PCTP: variants seen among roughly 807,000 people sequenced by gnomAD.
The protein encoded by PCTP is phosphatidylcholine transfer protein.
A neutral mutation model predicts 31.0 loss-of-function variants in PCTP; 27 were observed. The observed-to-expected ratio is 0.87, with a 90% confidence interval of 0.64 to 1.20. PCTP has a LOEUF of 1.20. Among genes scored for constraint, PCTP ranks in the 50% most tolerant of loss-of-function variants. The pLI is 0.00. For missense variants in PCTP, 287 were observed against 268.2 expected (o/e 1.07, Z -0.49); for synonymous variants, 108 against 101.2 (o/e 1.07, Z -0.40).
chr17:55,762,689 C>T (rs1381306691), intron 1 of PCTP, among the ~76,000 whole-genome samples: 1 of 152,140 alleles, frequency 6.6e-6, no homozygotes, highest in African/African-American at 2.4e-5. Flanking sequence ...CCCTCTGAGT[C>T]TTTCTACTCT....
At chr17:55,783,077 A>C (rs1911618848) in intron 2 of PCTP, among the ~76,000 whole-genome samples, 1 of 152,254 alleles carries the variant, frequency 6.6e-6, no homozygotes, top group South Asian at 2.1e-4. Context: ...GGTCCAAAAA[A>C]AAATGTATTC....
intron 3 of PCTP, among the ~76,000 whole-genome samples, chr17:55,789,449 G>C (rs1911873759): frequency 6.6e-6 from 1 of 152,168 alleles, no homozygotes; most frequent in Non-Finnish European, 1.5e-5. Flanking sequence ...TTGCTGTTAA[G>C]TTGTAAACGC....
intron 1 of PCTP, among the ~76,000 whole-genome samples, chr17:55,765,716 C>G (rs555652307): frequency 6.6e-6 from 1 of 152,162 alleles, no homozygotes. Flanking sequence ...CTGGTCATCC[C>G]TCTGTTTAAA....
intron 1 of PCTP, among the ~76,000 whole-genome samples, chr17:55,763,403 T>A (rs1910446412): frequency 6.6e-6 from 1 of 151,964 alleles, no homozygotes; most frequent in Non-Finnish European, 1.5e-5. Flanking sequence ...AAAATGTTAA[T>A]CTACTTATCC....
At chr17:55,791,048 A>G (rs1187887105) in intron 3 of PCTP, among the ~76,000 whole-genome samples, 1 of 151,458 alleles carries the variant, frequency 6.6e-6, no homozygotes, top group African/African-American at 2.4e-5. Flanking sequence ...AAAACAAGCA[A>G]TGGGGAAAGG....
chr17:55,826,472 A>C (rs1231833528), downstream of PCTP, among the ~76,000 whole-genome samples: 1 of 151,764 alleles, frequency 6.6e-6, no homozygotes, highest in African/African-American at 2.4e-5. Flanking sequence ...GATAAGAAAA[A>C]AAAAAAAAAG....
At position 55,812,634 on chromosome 17, in the gene PCTP, G is replaced by A. The variant is rs552668543; in HGVS notation, c.318-10127G>A. ...TTCAGCCAAAGTCACCATTTTCAAC[G>A]TTAACCTCCATGTTGCAAGGCTGAC... On this transcript the variant is annotated intron_variant, in intron 3 of 3. Coordinates refer to the PCTP transcript ENST00000572536. Among the ~76,000 whole-genome samples, 6 of 152,290 alleles carry A rather than the reference G, an allele frequency of 3.9e-5. No individual in the cohort carries two copies. In the South Asian group the frequency reaches 1.0e-3, roughly 26 times the overall value.
chr17:55,763,971 T>C (rs1245828127), intron 1 of PCTP, among the ~76,000 whole-genome samples: 2 of 152,220 alleles, frequency 1.3e-5, no homozygotes, highest in Non-Finnish European at 1.5e-5. Context: ...CATTGCTCAG[T>C]TCTGCCTCGA....
At position 55,776,282 on chromosome 17, in the gene PCTP, TA is replaced by T. The variant is rs1187963199; in HGVS notation, c.*184del. The T allele has an allele frequency of 6.6e-6, 9 of 1,371,232 alleles. No homozygotes were observed. Among genetic ancestry groups the T allele is most frequent in the Non-Finnish European group, 8.5e-6 (9 of 1,063,448 alleles). 84.9% of individuals were successfully genotyped at this position (1,371,232 alleles called of 1,614,324 possible). On this transcript the variant is annotated 3_prime_UTR_variant, in exon 6 of 6. Coordinates refer to ENST00000268896, the MANE Select transcript of PCTP (RefSeq NM_021213.4). Reference sequence around the variant, plus strand: ...GGCCTACACACTACCACATCCTTTCTAAGCATGTTTGCCTGACATCCAGCTC... The same window carrying T: ...GGCCTACACACTACCACATCCTTTCTAGCATGTTTGCCTGACATCCAGCTC...
chr17:55,830,012 G>A (rs995891825), intron 5 of PCTP, among the ~76,000 whole-genome samples: 5 of 152,082 alleles, frequency 3.3e-5, no homozygotes, highest in Admixed American at 6.5e-5. Flanking sequence ...ACCAAATAGC[G>A]GCAGCATGTT....
chr17:55,791,283 A>G (rs1911963664), intron 3 of PCTP, among the ~76,000 whole-genome samples: 1 of 151,764 alleles, frequency 6.6e-6, no homozygotes, highest in Non-Finnish European at 1.5e-5. Flanking sequence ...AGCAATGGCA[A>G]CAAAAGCCAA....
At position 55,763,465 on chromosome 17, in the gene PCTP, G is replaced by T. The variant is rs377267652; in HGVS notation, c.142-3870G>T. On this transcript the variant is annotated intron_variant, in intron 1 of 5. Coordinates refer to ENST00000268896, the MANE Select transcript of PCTP (RefSeq NM_021213.4). Reference sequence around the variant, plus strand: ...GTAGTAAAAAAAAAAATAGAATTATGGACCAATTATTCTATACAAACATAA... The same window carrying T: ...GTAGTAAAAAAAAAAATAGAATTATTGACCAATTATTCTATACAAACATAA... Among the ~76,000 whole-genome samples, 19 of 151,682 alleles carry T rather than the reference G, an allele frequency of 1.3e-4. 1 individual carries two copies. The highest frequency in any genetic ancestry group is 9.2e-4 in the Admixed American group (14 of 15,244).
At chr17:55,761,767 C>A (rs1910353662) in intron 1 of PCTP, among the ~76,000 whole-genome samples, 1 of 151,822 alleles carries the variant, frequency 6.6e-6, no homozygotes, top group Non-Finnish European at 1.5e-5. Flanking sequence ...TGTCCATTAT[C>A]TCTTCCTTGA....
intron 2 of PCTP, chr17:55,770,886 AT>A (rs1330323591): frequency 5.8e-5 from 23 of 395,052 alleles, no homozygotes; most frequent in South Asian, 3.5e-4. Flanking sequence ...TACCTGGCTG[AT>A]TTTTTTGCTT....
intron 3 of PCTP, among the ~76,000 whole-genome samples, chr17:55,788,565 A>G (rs1427533546): frequency 6.6e-6 from 1 of 152,212 alleles, no homozygotes; most frequent in African/African-American, 2.4e-5. Flanking sequence ...ATGATCCAGT[A>G]TTTACATATT....
downstream of PCTP, among the ~76,000 whole-genome samples, chr17:55,824,707 CT>C (rs1265956827): frequency 1.3e-5 from 2 of 152,130 alleles, no homozygotes; most frequent in Non-Finnish European, 2.9e-5. Flanking sequence ...CAAATTTAGC[CT>C]TGGAGAAGAC....
At chr17:55,802,578 A>G (rs1912423082) in intron 3 of PCTP, among the ~76,000 whole-genome samples, 1 of 152,226 alleles carries the variant, frequency 6.6e-6, no homozygotes, top group South Asian at 2.1e-4. Flanking sequence ...ATGCAAATCA[A>G]TAAATGTAAT....
At chr17:55,785,533 A>G (rs1370002814) in intron 2 of PCTP, among the ~76,000 whole-genome samples, 2 of 152,250 alleles carry the variant, frequency 1.3e-5, no homozygotes, top group Non-Finnish European at 2.9e-5. Flanking sequence ...GCAATGCCTC[A>G]TTTATTTAGA....
chr17:55,758,858 G>A (rs1159949135), intron 1 of PCTP, among the ~76,000 whole-genome samples: 1 of 152,198 alleles, frequency 6.6e-6, no homozygotes, highest in African/African-American at 2.4e-5. Flanking sequence ...GGTGGAAGGA[G>A]GGGAGAGGAA....
Sources: gnomAD v4.1 joint callset for allele counts (sites outside exome capture counted in the v4.1 genomes callset) on GRCh38, gnomAD v4.1.1 for gene constraint, MANE v1.5 for transcripts, NCBI Gene and HGNC (gene_info 2026-07-23, HGNC 2026-07-21) for gene names.